The following HYCC2 variants were observed in gnomAD, a reference collection of about 807,000 sequenced individuals.
HYCC2 encodes hyccin PI4KA lipid kinase complex subunit 2.
At chr2:201,063,189 T>A in the HYCC2 span, 7 of 1,608,932 alleles carry the variant, frequency 4.4e-6, no homozygotes, top group East Asian at 6.7e-5. Context: ...AGGAGCCATT[T>A]TGAGCAACGG....
the HYCC2 span, among the ~76,000 whole-genome samples, chr2:201,009,656 C>T: frequency 6.6e-6 from 1 of 152,012 alleles, no homozygotes; most frequent in Admixed American, 6.6e-5. Flanking sequence ...GACGCGGTTT[C>T]GCCATGTTGG....
chr2:201,004,466 TA>T, the HYCC2 span, among the ~76,000 whole-genome samples: 1 of 152,124 alleles, frequency 6.6e-6, no homozygotes, highest in Non-Finnish European at 1.5e-5. Flanking sequence ...AAAATGCCAA[TA>T]AAACAGACAA....
the HYCC2 span, among the ~76,000 whole-genome samples, chr2:200,994,132 T>TG: frequency 2.0e-5 from 3 of 152,240 alleles, no homozygotes; most frequent in Non-Finnish European, 4.4e-5. Flanking sequence ...AAATGGATGA[T>TG]GGTGAGTATC....
the HYCC2 span, chr2:200,987,380 T>G: frequency 7.8e-7 from 1 of 1,289,700 alleles, no homozygotes. Flanking sequence ...GTTGTGGCTG[T>G]TGCTGAGTTG....
the HYCC2 span, among the ~76,000 whole-genome samples, chr2:201,033,902 C>T: frequency 6.6e-6 from 1 of 151,750 alleles, no homozygotes; most frequent in Non-Finnish European, 1.5e-5. Context: ...TATCAGAATC[C>T]CTGTCTGATA....
At chr2:200,979,842 T>A in the HYCC2 span, 1 of 152,598 alleles carries the variant, frequency 6.6e-6, no homozygotes, top group Non-Finnish European at 1.5e-5. Context: ...TCCAACCAGA[T>A]CAGAACTAAG....
chr2:201,067,640 C>A, the HYCC2 span, among the ~76,000 whole-genome samples: 1 of 152,294 alleles, frequency 6.6e-6, no homozygotes, highest in South Asian at 2.1e-4. Flanking sequence ...AAACTGGACC[C>A]AAGTCAAGGT....
At chr2:201,017,273 C>G in the HYCC2 span, 2 of 850,438 alleles carry the variant, frequency 2.4e-6, no homozygotes, top group Non-Finnish European at 3.4e-6. Flanking sequence ...TTTTAAAAGT[C>G]TTAATATTAA....
the HYCC2 span, among the ~76,000 whole-genome samples, chr2:201,055,140 G>A: frequency 6.6e-6 from 1 of 151,920 alleles, no homozygotes; most frequent in African/African-American, 2.4e-5. Context: ...CTTCCTAAAG[G>A]CAAAAATATT....
chr2:201,049,195 CATA>C, the HYCC2 span, among the ~76,000 whole-genome samples: 2 of 151,058 alleles, frequency 1.3e-5, no homozygotes, highest in Non-Finnish European at 3.0e-5. Context: ...AAGATAAAGC[CATA>C]ATAATAGTTG....
At chr2:201,042,238 G>A in the HYCC2 span, among the ~76,000 whole-genome samples, 13 of 152,198 alleles carry the variant, frequency 8.5e-5, no homozygotes, top group Middle Eastern at 3.2e-3. Context: ...GATTGCAGAC[G>A]GAGTCTCGCT....
At chr2:201,038,070 A>C in the HYCC2 span, among the ~76,000 whole-genome samples, 1 of 152,228 alleles carries the variant, frequency 6.6e-6, no homozygotes, top group African/African-American at 2.4e-5. Context: ...ACCCCATCAA[A>C]AAGTGGGCAA....
At chr2:201,028,606 C>G in the HYCC2 span, among the ~76,000 whole-genome samples, 1 of 152,034 alleles carries the variant, frequency 6.6e-6, no homozygotes, top group Admixed American at 6.6e-5. Context: ...GTACTGGTAC[C>G]AAAACAGAGA....
chr2:201,070,112 C>CT, the HYCC2 span, among the ~76,000 whole-genome samples: 1 of 152,054 alleles, frequency 6.6e-6, no homozygotes, highest in Admixed American at 6.5e-5. Flanking sequence ...TTTCAATGAC[C>CT]TACAAAATCA....
chr2:201,056,335 A>G, the HYCC2 span, among the ~76,000 whole-genome samples: 3 of 152,234 alleles, frequency 2.0e-5, no homozygotes, highest in Non-Finnish European at 4.4e-5. Flanking sequence ...CCAGTTTTAA[A>G]TGGGGCCTAG....
At chr2:200,989,165 A>G in the HYCC2 span, among the ~76,000 whole-genome samples, 1 of 152,236 alleles carries the variant, frequency 6.6e-6, no homozygotes, top group Non-Finnish European at 1.5e-5. Context: ...CTAGATTTGA[A>G]TAGGGAAAAA....
the HYCC2 span, among the ~76,000 whole-genome samples, chr2:201,004,706 A>G: frequency 2.8e-4 from 42 of 152,276 alleles, no homozygotes; most frequent in Admixed American, 5.2e-4. Flanking sequence ...TGGAGCAAGA[A>G]ACACACTTTA....
the HYCC2 span, chr2:201,063,308 G>C: frequency 6.5e-7 from 1 of 1,535,238 alleles, no homozygotes; most frequent in Non-Finnish European, 8.9e-7. Context: ...AGCTATGAAT[G>C]CAAGGCCACA....
chr2:201,001,965 C>T, the HYCC2 span, among the ~76,000 whole-genome samples: 2 of 152,052 alleles, frequency 1.3e-5, no homozygotes, highest in Admixed American at 6.6e-5. Flanking sequence ...AGCCACTGTG[C>T]CTGGCTCCCT....
Sources: gnomAD v4.1 joint callset for allele counts (sites outside exome capture counted in the v4.1 genomes callset) on GRCh38, gnomAD v4.1.1 for gene constraint, MANE v1.5 for transcripts, NCBI Gene and HGNC (gene_info 2026-07-23, HGNC 2026-07-21) for gene names.